Variants in KCNIP4 observed in about 807,000 individuals in gnomAD.
KCNIP4 encodes Kv channel-interacting protein 4.
In KCNIP4, 12 loss-of-function variants were observed where a neutral mutation model predicts 34.0. That is an observed-to-expected ratio of 0.35 (90% CI 0.23 to 0.57). The LOEUF (loss-of-function observed/expected upper bound fraction) is 0.57. Ranked by LOEUF, KCNIP4 falls within the 20% of genes least tolerant of loss-of-function variation. KCNIP4 has a pLI of 0.83. For synonymous variants in KCNIP4, 124 were observed against 102.2 expected, an observed-to-expected ratio of 1.21 and a Z score of -1.29; for missense variants, 238 against 311.7, an observed-to-expected ratio of 0.76 and a Z score of 1.78.
intron 1 of KCNIP4, among the ~76,000 whole-genome samples, chr4:21,480,300 T>A (rs1262932835): frequency 2.0e-5 from 3 of 152,080 alleles, no homozygotes; most frequent in Non-Finnish European, 4.4e-5. Flanking sequence ...TAATCCTAAC[T>A]TTGATACTAT....
intron 1 of KCNIP4, among the ~76,000 whole-genome samples, chr4:21,249,028 G>A (rs2109072216): frequency 6.6e-6 from 1 of 152,162 alleles, no homozygotes; most frequent in African/African-American, 2.4e-5. Flanking sequence ...CAATCTAGTG[G>A]ACAACATTTT....
At chr4:21,110,859 C>A (rs1349023926) in intron 1 of KCNIP4, among the ~76,000 whole-genome samples, 8 of 152,128 alleles carry the variant, frequency 5.3e-5, no homozygotes, top group African/African-American at 1.9e-4. Flanking sequence ...TTCCTACAGA[C>A]CAGAACCGTG....
At chr4:20,887,698 G>A (rs547497413) in intron 1 of KCNIP4, among the ~76,000 whole-genome samples, 134 of 152,184 alleles carry the variant, frequency 8.8e-4, no homozygotes, top group African/African-American at 3.2e-3. Context: ...ATAAACCTGG[G>A]ATAATTCATA....
chr4:21,424,562 C>A (rs942055359), intron 1 of KCNIP4, among the ~76,000 whole-genome samples: 2 of 150,884 alleles, frequency 1.3e-5, no homozygotes, highest in Non-Finnish European at 2.9e-5. Flanking sequence ...CAGATCAAGA[C>A]TCTGTCTGAA....
chr4:21,311,862 G>C (rs368506558), intron 1 of KCNIP4, among the ~76,000 whole-genome samples: 87 of 152,096 alleles, frequency 5.7e-4, no homozygotes, highest in African/African-American at 1.9e-3. Flanking sequence ...GGTTTCAAAG[G>C]GTCCTATCAT....
intron 1 of KCNIP4, among the ~76,000 whole-genome samples, chr4:21,825,942 C>T (rs964524788): frequency 5.3e-5 from 8 of 151,900 alleles, no homozygotes; most frequent in African/African-American, 1.5e-4. Context: ...AGATGAGACC[C>T]GAATAAAAAG....
At chr4:21,583,947 C>A (rs755848153) in intron 1 of KCNIP4, among the ~76,000 whole-genome samples, 2 of 151,988 alleles carry the variant, frequency 1.3e-5, no homozygotes, top group Admixed American at 1.3e-4. Context: ...TATTTATGAA[C>A]ATAAAACATG....
intron 5 of KCNIP4, among the ~76,000 whole-genome samples, chr4:20,743,772 G>C (rs1182399141): frequency 6.6e-6 from 1 of 152,052 alleles, no homozygotes; most frequent in Non-Finnish European, 1.5e-5. Flanking sequence ...TGACAAATGG[G>C]ATCTAATTAA....
At chr4:21,051,213 C>A (rs914478716) in intron 1 of KCNIP4, among the ~76,000 whole-genome samples, 6 of 152,194 alleles carry the variant, frequency 3.9e-5, no homozygotes, top group African/African-American at 1.4e-4. Flanking sequence ...CACTTATTTT[C>A]ACATCCATGT....
chr4:21,473,395 C>G (rs995909991), intron 1 of KCNIP4, among the ~76,000 whole-genome samples: 2 of 152,188 alleles, frequency 1.3e-5, no homozygotes, highest in Non-Finnish European at 1.5e-5. Context: ...ATAATAAAAA[C>G]AGCATAGGCT....
At chr4:21,326,935 G>A (rs1358601005) in intron 1 of KCNIP4, among the ~76,000 whole-genome samples, 1 of 151,680 alleles carries the variant, frequency 6.6e-6, no homozygotes, top group Admixed American at 6.6e-5. Flanking sequence ...TAAAAGTTAT[G>A]CATTTTAATT....
intron 1 of KCNIP4, among the ~76,000 whole-genome samples, chr4:21,291,931 G>C (rs1229385646): frequency 1.5e-5 from 1 of 67,290 alleles, no homozygotes; most frequent in Admixed American, 1.4e-4. Context: ...AAGAAAGAAA[G>C]AAAGAAAAAA....
chr4:21,523,600 C>G (rs1735722344), intron 1 of KCNIP4, among the ~76,000 whole-genome samples: 1 of 151,864 alleles, frequency 6.6e-6, no homozygotes, highest in Admixed American at 6.6e-5. Context: ...CAGACAGAAT[C>G]AGTCTCTATC....
chr4:21,630,255 A>G (rs1368119640), intron 1 of KCNIP4, among the ~76,000 whole-genome samples: 1 of 151,800 alleles, frequency 6.6e-6, no homozygotes, highest in Non-Finnish European at 1.5e-5. Flanking sequence ...TCACGAGGTC[A>G]AGAGATTGAG....
intron 1 of KCNIP4, among the ~76,000 whole-genome samples, chr4:21,578,049 G>C (rs1419774544): frequency 6.6e-6 from 1 of 151,608 alleles, no homozygotes; most frequent in Non-Finnish European, 1.5e-5. Flanking sequence ...ATTATTAAGA[G>C]TTCAGGCCGG....
chr4:21,938,390 T>A (rs1035360301), intron 1 of KCNIP4, among the ~76,000 whole-genome samples: 1 of 152,200 alleles, frequency 6.6e-6, no homozygotes, highest in Non-Finnish European at 1.5e-5. Context: ...ACTTGGGAAA[T>A]GATGTTCAGT....
chr4:20,882,826 C>A, intron 1 of KCNIP4, 117 bp from the exon 2 acceptor site: 1 of 661,290 alleles, frequency 1.5e-6, no homozygotes, highest in Non-Finnish European at 2.6e-6. Flanking sequence ...TCCACTCAGG[C>A]AATCACAGGC....
At chr4:21,567,133 A>C (rs1216493782) in intron 1 of KCNIP4, among the ~76,000 whole-genome samples, 2 of 152,188 alleles carry the variant, frequency 1.3e-5, no homozygotes, top group Non-Finnish European at 2.9e-5. Flanking sequence ...AAAGATAGTT[A>C]ATTCCCTGCC....
intron 1 of KCNIP4, among the ~76,000 whole-genome samples, chr4:21,089,189 A>C (rs1468918882): frequency 6.6e-6 from 1 of 152,016 alleles, no homozygotes; most frequent in Non-Finnish European, 1.5e-5. Context: ...GCCTGGTGGG[A>C]GGTAATTAGA....
Sources: gnomAD v4.1 joint callset for allele counts (sites outside exome capture counted in the v4.1 genomes callset) on GRCh38, gnomAD v4.1.1 for gene constraint, MANE v1.5 for transcripts, NCBI Gene and HGNC (gene_info 2026-07-23, HGNC 2026-07-21) for gene names.